Variants in SRBD1 observed in about 807,000 individuals in gnomAD.
The protein encoded by SRBD1 is S1 RNA binding domain 1.
A neutral mutation model predicts 115.3 loss-of-function variants in SRBD1; 88 were observed. The ratio of observed to expected loss-of-function variants is 0.76; its 90% confidence interval spans 0.64 to 0.91. SRBD1 has a LOEUF of 0.91. SRBD1 is among the 40% of genes least tolerant of loss of function. The probability of loss-of-function intolerance (pLI) is 0.00; values close to 1 mark genes in which losing one functional copy is unlikely to be tolerated. For missense variants in SRBD1, 1,385 were observed against 1,177.4 expected (o/e 1.18, Z -2.58); for synonymous variants, 509 against 407.7 (o/e 1.25, Z -2.99).
At chr2:45,548,427 A>T (rs1672187814) in intron 12 of SRBD1, among the ~76,000 whole-genome samples, 1 of 152,182 alleles carries the variant, frequency 6.6e-6, no homozygotes, top group Non-Finnish European at 1.5e-5. Context: ...GGTTTAAAAG[A>T]TATCTACCAT....
intron 14 of SRBD1, among the ~76,000 whole-genome samples, chr2:45,520,615 C>A (rs1031499845): frequency 6.6e-6 from 1 of 152,148 alleles, no homozygotes; most frequent in African/African-American, 2.4e-5. Context: ...CCCATAAAAA[C>A]CCTGAACCCC....
chr2:45,577,550 T>C (rs1345738686), intron 7 of SRBD1, among the ~76,000 whole-genome samples: 1 of 152,174 alleles, frequency 6.6e-6, no homozygotes. Flanking sequence ...ACGAAAGTAG[T>C]ATTTTGGATC....
rs1390993757 is a variant in SRBD1, at chr2:45,523,277, A to G, written c.1874+23455T>C. Among the ~76,000 whole-genome samples the G allele has an allele frequency of 8.1e-5, 10 of 123,634 alleles. 1 individual carries two copies. The highest frequency in any genetic ancestry group is 3.6e-4 in the African/African-American group (10 of 27,850). The allele number at this position is 123,634 out of a possible 152,430, so 81.1% of individuals were successfully genotyped here. ...CCAACCTTCCACCCAAAACGCTGGA[A>G]AAAAAAAAAAAAAAAGCAAACTAAA... On this transcript the variant is annotated intron_variant, in intron 14 of 20. Transcript: ENST00000263736.
intron 12 of SRBD1, among the ~76,000 whole-genome samples, chr2:45,548,193 C>T (rs1393017778): frequency 1.3e-5 from 2 of 150,518 alleles, no homozygotes; most frequent in Non-Finnish European, 2.9e-5. Flanking sequence ...AGGAAAAGAA[C>T]AGCAAAATAA....
chr2:45,607,771 G>C (rs533502202), intron 1 of SRBD1, among the ~76,000 whole-genome samples: 1 of 152,278 alleles, frequency 6.6e-6, no homozygotes, highest in East Asian at 1.9e-4. Flanking sequence ...CCAGGAAAAA[G>C]ACTGTAAGTT....
At chr2:45,578,377 A>G (rs1437032204) in intron 7 of SRBD1, among the ~76,000 whole-genome samples, 1 of 152,164 alleles carries the variant, frequency 6.6e-6, no homozygotes, top group Non-Finnish European at 1.5e-5. Flanking sequence ...AAATTAAACA[A>G]ACTTGAATTT....
At chr2:45,533,824 C>T (rs1215602910) in intron 14 of SRBD1, among the ~76,000 whole-genome samples, 1 of 152,030 alleles carries the variant, frequency 6.6e-6, no homozygotes, top group Non-Finnish European at 1.5e-5. Context: ...CTAAACAGGA[C>T]ATCTGTTTTG....
At chr2:45,582,975 A>G (rs890498059) in intron 5 of SRBD1, among the ~76,000 whole-genome samples, 1 of 152,184 alleles carries the variant, frequency 6.6e-6, no homozygotes, top group African/African-American at 2.4e-5. Context: ...AGGGATCACT[A>G]AACAACTAAC....
At chr2:45,576,980 G>C (rs1366726376) in intron 7 of SRBD1, among the ~76,000 whole-genome samples, 3 of 152,050 alleles carry the variant, frequency 2.0e-5, no homozygotes, top group Non-Finnish European at 4.4e-5. Flanking sequence ...GTAAAGTGTA[G>C]TCCAAGGACC....
chr2:45,532,675 T>G (rs560659079), intron 14 of SRBD1, among the ~76,000 whole-genome samples: 80 of 151,758 alleles, frequency 5.3e-4, no homozygotes, highest in Non-Finnish European at 1.0e-3. Flanking sequence ...GTAATGGGAA[T>G]TAAACTGGGC....
intron 14 of SRBD1, among the ~76,000 whole-genome samples, chr2:45,545,143 G>C (rs546014788): frequency 4.0e-5 from 6 of 151,832 alleles, no homozygotes; most frequent in Non-Finnish European, 4.4e-5. Context: ...AGCCGGGTGT[G>C]GTGGCGGGTG....
At chr2:45,587,487 G>A (rs1266148835) in intron 4 of SRBD1, among the ~76,000 whole-genome samples, 2 of 152,014 alleles carry the variant, frequency 1.3e-5, no homozygotes, top group East Asian at 1.9e-4. Context: ...AAAGGAGTAC[G>A]TTTTATTATT....
At chr2:45,515,674 T>A (rs757771715) in intron 14 of SRBD1, among the ~76,000 whole-genome samples, 1 of 152,190 alleles carries the variant, frequency 6.6e-6, no homozygotes, top group Admixed American at 6.5e-5. Flanking sequence ...CTGATCACTA[T>A]GCTGTTTCTC....
intron 14 of SRBD1, among the ~76,000 whole-genome samples, chr2:45,505,261 C>A (rs540617573): frequency 3.3e-5 from 5 of 152,130 alleles, no homozygotes; most frequent in Admixed American, 6.5e-5. Flanking sequence ...ATGTCTTAGC[C>A]TCACATGTGG....
intron 14 of SRBD1, among the ~76,000 whole-genome samples, chr2:45,509,789 C>CA (rs1197334802): frequency 2.0e-5 from 3 of 152,126 alleles, no homozygotes; most frequent in African/African-American, 7.2e-5. Flanking sequence ...GGCTGGAGTG[C>CA]AGTGGCGCAG....
chr2:45,449,336 T>G (rs965810635), intron 16 of SRBD1, among the ~76,000 whole-genome samples: 1 of 152,220 alleles, frequency 6.6e-6, no homozygotes, highest in Non-Finnish European at 1.5e-5. Context: ...AATGCCCTTT[T>G]GGCTACCTGT....
At chr2:45,448,385 C>CTAAT (rs1329622953) in intron 16 of SRBD1, among the ~76,000 whole-genome samples, 1 of 152,114 alleles carries the variant, frequency 6.6e-6, no homozygotes. Flanking sequence ...TCACCATGAC[C>CTAAT]ATTACCATAT....
chr2:45,607,246 G>A (rs1674301673), intron 1 of SRBD1, among the ~76,000 whole-genome samples: 1 of 152,148 alleles, frequency 6.6e-6, no homozygotes, highest in South Asian at 2.1e-4. Context: ...AAGAATGGAG[G>A]AAGTTAGTGT....
At chr2:45,592,144 C>T (rs534534174) in intron 4 of SRBD1, among the ~76,000 whole-genome samples, 6 of 152,222 alleles carry the variant, frequency 3.9e-5, no homozygotes, top group East Asian at 1.9e-4. Flanking sequence ...GTAAGAAGTG[C>T]CTTTTGCCTC....
Sources: allele counts gnomAD v4.1 joint callset (sites outside exome capture counted in the v4.1 genomes callset), GRCh38; gene constraint gnomAD v4.1.1; transcripts MANE v1.5; gene names NCBI Gene and HGNC (gene_info 2026-07-23, HGNC 2026-07-21).